Variants in SLIT3 observed in about 807,000 individuals in gnomAD.
SLIT3 encodes slit homolog 3 protein.
SLIT3 carries 68 observed loss-of-function variants against 184.0 expected under a neutral mutation model. That is an observed-to-expected ratio of 0.37 (90% CI 0.30 to 0.45). The LOEUF (loss-of-function observed/expected upper bound fraction) is 0.45, where lower values mean the gene tolerates loss of function less well. Ranked by LOEUF, SLIT3 falls within the 20% of genes least tolerant of loss-of-function variation. The pLI is 1.00. For missense variants in SLIT3, 1,707 were observed against 2,026.0 expected (o/e 0.84, Z 3.02); for synonymous variants, 831 against 828.6 (o/e 1.00, Z -0.05).
intron 4 of SLIT3, among the ~76,000 whole-genome samples, chr5:169,104,614 C>A (rs1490287190): frequency 6.6e-6 from 1 of 152,132 alleles, no homozygotes; most frequent in African/African-American, 2.4e-5. Context: ...TTCATTCCAC[C>A]TTGGGCCAAG....
chr5:168,772,718 G>T, intron 14 of SLIT3, 63 bp downstream of exon 14: 1 of 1,567,900 alleles, frequency 6.4e-7, no homozygotes, highest in Non-Finnish European at 8.8e-7. Context: ...TTGGATTATT[G>T]GCCTCTCTGG....
chr5:169,053,428 T>G (rs1435112280), intron 4 of SLIT3, among the ~76,000 whole-genome samples: 2 of 152,224 alleles, frequency 1.3e-5, no homozygotes, highest in African/African-American at 2.4e-5. Flanking sequence ...TGCCATTTCT[T>G]CCATTTCTTC....
intron 17 of SLIT3, among the ~76,000 whole-genome samples, 197 bp downstream of exon 17, chr5:168,753,667 T>G (rs925398335): frequency 6.6e-6 from 1 of 152,184 alleles, no homozygotes; most frequent in African/African-American, 2.4e-5. Flanking sequence ...TGAGTGTGCA[T>G]GCTGGAGGTG....
intron 4 of SLIT3, among the ~76,000 whole-genome samples, chr5:169,084,512 A>G (rs1449360985): frequency 1.4e-5 from 2 of 139,846 alleles, no homozygotes; most frequent in Non-Finnish European, 3.0e-5. Context: ...GGGTTTCACC[A>G]TGTTAGGCTG....
At chr5:169,081,992 C>A (rs911676931) in intron 4 of SLIT3, among the ~76,000 whole-genome samples, 1 of 152,188 alleles carries the variant, frequency 6.6e-6, no homozygotes, top group Non-Finnish European at 1.5e-5. Context: ...CCAGACCCCC[C>A]CACAGCATAA....
intron 12 of SLIT3, among the ~76,000 whole-genome samples, chr5:168,775,752 A>G (rs905573366): frequency 6.6e-6 from 1 of 152,066 alleles, no homozygotes; most frequent in Admixed American, 6.5e-5. Flanking sequence ...CACCCCTTCC[A>G]GGGTCAGCCT....
intron 3 of SLIT3, among the ~76,000 whole-genome samples, chr5:169,224,328 C>T (rs1720217060): frequency 1.3e-5 from 2 of 152,078 alleles, no homozygotes. Context: ...GTATTTATTC[C>T]ACCTGGTTCC....
chr5:168,823,594 T>C (rs1258671149), intron 6 of SLIT3, among the ~76,000 whole-genome samples: 2 of 152,206 alleles, frequency 1.3e-5, no homozygotes, highest in Non-Finnish European at 1.5e-5. Context: ...GAGTATCGCT[T>C]CCTGAAACCC....
At chr5:169,082,688 T>C (rs969581758) in intron 4 of SLIT3, among the ~76,000 whole-genome samples, 4 of 152,238 alleles carry the variant, frequency 2.6e-5, no homozygotes, top group African/African-American at 4.8e-5. Context: ...GCCATTTAAT[T>C]GGTTCAGCAC....
chr5:169,153,082 C>T (rs1037063558), intron 4 of SLIT3, among the ~76,000 whole-genome samples: 2 of 152,204 alleles, frequency 1.3e-5, no homozygotes, highest in African/African-American at 4.8e-5. Flanking sequence ...TTCACATTTC[C>T]CATAGTGTGT....
At chr5:169,081,026 C>T (rs779684188) in intron 4 of SLIT3, among the ~76,000 whole-genome samples, 11 of 152,188 alleles carry the variant, frequency 7.2e-5, no homozygotes, top group Non-Finnish European at 1.0e-4. Context: ...GTGGCTGCCC[C>T]CGCCCCCCTT....
chr5:169,241,571 G>A (rs1249792949), intron 3 of SLIT3, among the ~76,000 whole-genome samples: 1 of 152,078 alleles, frequency 6.6e-6, no homozygotes, highest in Admixed American at 6.6e-5. Context: ...GGCAAAATTA[G>A]GCCCAGCTTA....
intron 4 of SLIT3, among the ~76,000 whole-genome samples, chr5:168,959,000 C>T (rs1217713546): frequency 1.3e-5 from 2 of 152,236 alleles, no homozygotes; most frequent in East Asian, 1.9e-4. Context: ...CATTGCTAAT[C>T]GATGACAGCT....
chr5:168,990,022 T>G (rs572861887), intron 4 of SLIT3, among the ~76,000 whole-genome samples: 2 of 152,340 alleles, frequency 1.3e-5, no homozygotes, highest in African/African-American at 4.8e-5. Context: ...CTGCTATTCA[T>G]GTGGGTTCAG....
intron 20 of SLIT3, among the ~76,000 whole-genome samples, chr5:168,746,276 T>C (rs78173796): frequency 1.4e-5 from 1 of 72,230 alleles, no homozygotes; most frequent in Non-Finnish European, 3.0e-5. Flanking sequence ...GGTGTGGTGA[T>C]GTGTGGTGTG....
intron 4 of SLIT3, among the ~76,000 whole-genome samples, chr5:169,081,473 G>A (rs1759054823): frequency 6.6e-6 from 1 of 152,192 alleles, no homozygotes; most frequent in Non-Finnish European, 1.5e-5. Context: ...TTGCTGACAA[G>A]GGTCCCCAAA....
chr5:169,091,174 T>C (rs1759570299), intron 4 of SLIT3, among the ~76,000 whole-genome samples: 1 of 152,168 alleles, frequency 6.6e-6, no homozygotes, highest in South Asian at 2.1e-4. Flanking sequence ...CTTTGATCTC[T>C]TATTTCTTCA....
intron 1 of SLIT3, chr5:169,263,686 G>T (rs772103306): frequency 5.9e-6 from 3 of 512,196 alleles, no homozygotes; most frequent in Admixed American, 2.1e-5. Flanking sequence ...CCATAGCACA[G>T]ACACCCCACA....
intron 20 of SLIT3, among the ~76,000 whole-genome samples, chr5:168,747,361 C>T (rs1467553173): frequency 2.0e-5 from 3 of 152,204 alleles, no homozygotes; most frequent in Admixed American, 2.0e-4. Flanking sequence ...CCACGAGCCC[C>T]GTGAGTGTAG....
Sources: allele counts gnomAD v4.1 joint callset (sites outside exome capture counted in the v4.1 genomes callset), GRCh38; gene constraint gnomAD v4.1.1; transcripts MANE v1.5; gene names NCBI Gene and HGNC (gene_info 2026-07-23, HGNC 2026-07-21).